XPO7: variants seen among roughly 807,000 people sequenced by gnomAD.
XPO7 encodes exportin 7.
In XPO7, 21 loss-of-function variants were observed where a neutral mutation model predicts 144.3. That is an observed-to-expected ratio of 0.15 (90% CI 0.10 to 0.21). XPO7 has a LOEUF of 0.21. Among genes scored for constraint, XPO7 ranks in the 10% least tolerant of loss-of-function variants. The probability of loss-of-function intolerance (pLI) is 1.00; values close to 1 mark genes in which losing one functional copy is unlikely to be tolerated. For missense variants in XPO7, 808 were observed against 1,325.8 expected (o/e 0.61, Z 6.06); for synonymous variants, 580 against 499.6 (o/e 1.16, Z -2.15).
chr8:21,988,804 C>G, intron 15 of XPO7, 199 bp from the exon 16 acceptor site: 1 of 579,162 alleles, frequency 1.7e-6, no homozygotes, highest in East Asian at 3.0e-5. Flanking sequence ...TGAAGATTAT[C>G]TGAAGGATAA....
At chr8:21,985,003 G>A (rs1429489047) in intron 12 of XPO7, among the ~76,000 whole-genome samples, 164 bp downstream of exon 12, 15 of 152,204 alleles carry the variant, frequency 9.9e-5, no homozygotes, top group Admixed American at 9.8e-4. Flanking sequence ...TCCCTCAAGG[G>A]ACTAGGGAAG....
chr8:21,953,101 C>CATT (rs1811426277), intron 1 of XPO7, among the ~76,000 whole-genome samples: 1 of 141,596 alleles, frequency 7.1e-6, no homozygotes, highest in Admixed American at 7.4e-5. Flanking sequence ...AGTATTGATA[C>CATT]ATTATTAACA....
rs907464416 is a variant in XPO7, at chr8:21,974,915, T to C, written c.597+141T>C. On this transcript the variant is annotated intron_variant, in intron 6 of 27. Coordinates refer to ENST00000252512, the MANE Select transcript of XPO7 (RefSeq NM_015024.5). ...ATCATCATCTCTTATATAAGACTCA[T>C]AGAGGCGTTGAAGAAACTGGTCAGA... 5.9e-6 allele frequency: 4 copies of C among 678,770 alleles called. No homozygotes were observed. In the South Asian group the frequency reaches 9.2e-5, roughly 16 times the overall value. The allele number at this position is 678,770 out of a possible 1,614,324, so 42.0% of individuals were successfully genotyped here.
Position 21,990,558 on chromosome 8 carries a change from C to A in XPO7, c.1932+151C>A, listed in dbSNP as rs6557719. 5 of 911,282 alleles carry A rather than the reference C, an allele frequency of 5.5e-6. No homozygotes were observed. In the Admixed American group the frequency reaches 1.1e-4, roughly 20 times the overall value. The allele number at this position is 911,282 out of a possible 1,614,324, so 56.4% of individuals were successfully genotyped here. A position where few individuals can be genotyped will look rare whatever the true frequency, so the allele number is the denominator to read the frequency against. On this transcript the variant is annotated intron_variant, in intron 17 of 27. Coordinates refer to ENST00000252512, the MANE Select transcript of XPO7 (RefSeq NM_015024.5). ...CCACGATACTGCCAGATTATACTTA[C>A]GTCATCAGAGTGGCTCTTTGAGATC...
chr8:21,999,664 T>C lies in XPO7; in HGVS notation c.2772T>C (p.Leu924=). 6.2e-7 allele frequency: 1 copy of C among 1,614,068 alleles called. No homozygotes were observed. The highest frequency in any genetic ancestry group is 8.5e-7 in the Non-Finnish European group (1 of 1,179,902). ...MYILSSISEG[L]TALDTMVCTG... ...TTCTCTCTTCCATTTCTGAAGGACT[T>C]ACTGCACTTGGTAAGCACCTGAGGT... is the stretch of plus-strand genomic sequence containing the variant. The change falls in exon 24 of 28, where the codon CTT becomes CTC. Residue 924 remains leucine, a synonymous_variant. Coordinates refer to ENST00000252512, the MANE Select transcript of XPO7 (RefSeq NM_015024.5).
chr8:21,945,714 C>CT (rs535033289), intron 1 of XPO7, among the ~76,000 whole-genome samples: 26 of 152,276 alleles, frequency 1.7e-4, no homozygotes, highest in African/African-American at 5.5e-4. Flanking sequence ...ATTCCATTTC[C>CT]TTTTGTATGG....
rs1389922555 is a variant in XPO7 at position 22,005,659 on chromosome 8, T to A, written c.*571T>A. 6.6e-6 allele frequency: 1 copy of A among 152,100 alleles called. No homozygotes were observed. Among genetic ancestry groups the A allele is most frequent in the African/African-American group, 2.4e-5 (1 of 41,388 alleles). 9.4% of individuals were successfully genotyped at this position (152,100 alleles called of 1,614,324 possible). ...GCAAAAAAAAAGCTAAAATTCCAAA[T>A]GTATATTTTTTCGTATTGCCCTGTC... On this transcript the variant is annotated 3_prime_UTR_variant, in exon 28 of 28. Coordinates refer to ENST00000252512, the MANE Select transcript of XPO7 (RefSeq NM_015024.5).
intron 9 of XPO7, 94 bp from the exon 10 acceptor site, chr8:21,981,637 C>T: frequency 1.4e-6 from 2 of 1,477,306 alleles, no homozygotes; most frequent in Non-Finnish European, 1.9e-6. Flanking sequence ...AAAGTAGATT[C>T]TACCCCTTCC....
chr8:21,977,491 A>G (rs1014049788), intron 7 of XPO7, among the ~76,000 whole-genome samples: 1 of 152,174 alleles, frequency 6.6e-6, no homozygotes, highest in Non-Finnish European at 1.5e-5. Flanking sequence ...AGGCAGGAGA[A>G]TCCTTTAAAC....
At chr8:21,966,295 G>GAGGGATCC (rs1400442661) in intron 1 of XPO7, 2 of 780,516 alleles carry the variant, frequency 2.6e-6, no homozygotes, top group African/African-American at 3.4e-5. Context: ...CTTTAGACAT[G>GAGGGATCC]AGGGATCCAG....
intron 5 of XPO7, 131 bp from the exon 6 acceptor site, chr8:21,974,539 T>A (rs1812166359): frequency 3.2e-6 from 2 of 633,878 alleles, no homozygotes; most frequent in Non-Finnish European, 5.3e-6. Flanking sequence ...TCACAATAAT[T>A]TAAATGTTAA....
Position 21,984,842 on chromosome 8 carries a change from G to T in XPO7, c.1471+3G>T. ...AATGGACATTGCAGTGCAGGAGGGT[G>T]AGTGTGCAGCGTGCTGGGAACTCTA... On this transcript the variant is annotated splice_donor_region_variant and intron_variant, in intron 12 of 27. Transcript: ENST00000252512. The T allele has an allele frequency of 6.2e-7, 1 of 1,613,478 alleles. No homozygotes were observed. The highest frequency in any genetic ancestry group is 1.1e-5 in the South Asian group (1 of 91,040).
At chr8:21,925,984 C>G (rs574186588) in intron 1 of XPO7, among the ~76,000 whole-genome samples, 9 of 152,210 alleles carry the variant, frequency 5.9e-5, no homozygotes, top group African/African-American at 1.7e-4. Context: ...ATGCCCCAAA[C>G]AGTAACGAAA....
intron 1 of XPO7, among the ~76,000 whole-genome samples, chr8:21,933,887 A>C (rs1408858444): frequency 6.6e-6 from 1 of 152,148 alleles, no homozygotes; most frequent in Non-Finnish European, 1.5e-5. Flanking sequence ...CTTTTTTTAG[A>C]GGGTAGCTAA....
chr8:22,000,284 C>G (rs1338973922), intron 24 of XPO7, among the ~76,000 whole-genome samples: 1 of 152,022 alleles, frequency 6.6e-6, no homozygotes, highest in African/African-American at 2.4e-5. Context: ...AGGAGCAAAT[C>G]TGGAGATCAT....
chr8:21,939,772 A>T (rs1810934936), intron 1 of XPO7, among the ~76,000 whole-genome samples: 1 of 152,228 alleles, frequency 6.6e-6, no homozygotes, highest in Non-Finnish European at 1.5e-5. Flanking sequence ...GAAGAGACCA[A>T]ATCATAACAT....
chr8:22,002,118 T>C lies in XPO7; in HGVS notation c.2789T>C (p.Met930Thr). 1 of 1,609,226 alleles carries C rather than the reference T, an allele frequency of 6.2e-7. No homozygotes were observed. Among genetic ancestry groups the C allele is most frequent in the Non-Finnish European group, 8.5e-7 (1 of 1,177,712 alleles). Residue 930 changes from methionine (M) to threonine (T), a missense_variant, in exon 25 of 28, where the codon ATG (methionine) becomes ACG (threonine). This residue lies in a region of XPO7 where 140 missense variants were observed against 237.9 expected (regional missense o/e 0.59). Transcript: ENST00000252512. Reference protein sequence around the residue: ...ISEGLTALDTMVCTGCCSCLD... With the variant: ...ISEGLTALDTTVCTGCCSCLD... ...CTGCCTTTCTTTCTTGCAGACACCA[T>C]GGTATGCACAGGCTGCTGCTCCTGC...
At chr8:21,972,088 T>C (rs1282476147) in intron 5 of XPO7, 147 bp downstream of exon 5, 3 of 666,494 alleles carry the variant, frequency 4.5e-6, no homozygotes, top group Middle Eastern at 2.5e-4. Flanking sequence ...AATAGTTCCA[T>C]TGGGTTTTCC....
Position 21,991,974 on chromosome 8 carries a change from GGTGA to G in XPO7, c.2148+7_2148+10del, listed in dbSNP as rs1812786220. On this transcript the variant is annotated splice_donor_variant and splice_donor_region_variant and intron_variant, in intron 19 of 27. Transcript: ENST00000252512. LOFTEE classifies it high-confidence loss of function. ...ATAGTTTCAACGAGCAGGAGGCAAA[GGTGA>G]GTGAGTCTTTCACCCAGTAATTAAT... The G allele has an allele frequency of 6.2e-6, 10 of 1,611,632 alleles. No homozygotes were observed. The highest frequency in any genetic ancestry group is 8.5e-6 in the Non-Finnish European group (10 of 1,178,848).
Sources: allele counts gnomAD v4.1 joint callset (sites outside exome capture counted in the v4.1 genomes callset), GRCh38; gene constraint gnomAD v4.1.1; regional missense constraint gnomAD v4.1.1; transcripts MANE v1.5; gene names NCBI Gene and HGNC (gene_info 2026-07-23, HGNC 2026-07-21).